Variants in NT5C1B observed in about 807,000 individuals in gnomAD.
The protein encoded by NT5C1B is cytosolic 5'-nucleotidase 1B.
A neutral mutation model predicts 57.8 loss-of-function variants in NT5C1B; 44 were observed. The observed-to-expected ratio is 0.76, with a 90% CI of 0.60 to 0.98. The LOEUF is 0.98. Ranked by LOEUF, NT5C1B falls within the 50% of genes least tolerant of loss-of-function variation. The pLI is 0.00. For missense variants in NT5C1B, 742 were observed against 719.5 expected (o/e 1.03, Z -0.36); for synonymous variants, 284 against 282.6 (o/e 1.00, Z -0.05).
intron 8 of NT5C1B, among the ~76,000 whole-genome samples, chr2:18,568,775 A>G (rs1295078064): frequency 6.6e-6 from 1 of 152,190 alleles, no homozygotes; most frequent in African/African-American, 2.4e-5. Flanking sequence ...GAGGCTAATC[A>G]GAAACTCAAA....
chr2:18,588,372 T>G (rs1666914278), intron 1 of NT5C1B, among the ~76,000 whole-genome samples: 1 of 152,222 alleles, frequency 6.6e-6, no homozygotes, highest in Non-Finnish European at 1.5e-5. Flanking sequence ...ACTTCTAAGT[T>G]AGACCAAGAT....
At chr2:18,586,965 C>G in intron 2 of NT5C1B, 1 of 1,614,044 alleles carries the variant, frequency 6.2e-7, no homozygotes, top group South Asian at 1.1e-5. Context: ...TGGTTCCCCT[C>G]CAGAATCGGT....
chr2:18,567,449 A>G (rs947850866), intron 8 of NT5C1B, among the ~76,000 whole-genome samples: 5 of 152,210 alleles, frequency 3.3e-5, no homozygotes, highest in Non-Finnish European at 7.3e-5. Context: ...CCTAAGCCCT[A>G]GGAAGATAGA....
chr2:18,563,816 T>G, exon 9 of NT5C1B: 2 of 1,561,344 alleles, frequency 1.3e-6, no homozygotes, highest in Non-Finnish European at 1.7e-6. Flanking sequence ...AATTTTTTAT[T>G]AAAGCCATAA....
chr2:18,589,348 C>G, intron 1 of NT5C1B, 91 bp downstream of exon 1: 1 of 1,540,286 alleles, frequency 6.5e-7, no homozygotes, highest in Non-Finnish European at 9.0e-7. Context: ...ATTATTTGAT[C>G]ATTGCAGAGC....
intron 2 of NT5C1B, chr2:18,587,294 C>A: frequency 6.7e-7 from 1 of 1,481,944 alleles, no homozygotes; most frequent in Non-Finnish European, 9.0e-7. Flanking sequence ...TGGTTCCACA[C>A]ATTCGAAGTG....
chr2:18,574,794 T>A lies in NT5C1B; in HGVS notation c.1329+1390A>T, dbSNP rs534223693. On this transcript the variant is annotated intron_variant, in intron 8 of 8. Coordinates refer to ENST00000304081, the Ensembl canonical transcript of NT5C1B. ...ATTGTACACTTAAAAACTTGTTAAGTGGATAGATCATATGCTAAGTATTCT... is the reference window on the plus strand; with the variant it reads ...ATTGTACACTTAAAAACTTGTTAAGAGGATAGATCATATGCTAAGTATTCT... Among the ~76,000 whole-genome samples, 74 of 152,200 alleles carry A rather than the reference T, an allele frequency of 4.9e-4. 1 individual carries two copies. The highest frequency in any genetic ancestry group is 1.8e-3 in the African/African-American group (74 of 41,564).
intron 7 of NT5C1B, 115 bp downstream of exon 7, chr2:18,576,658 C>T (rs1665703612): frequency 2.0e-6 from 3 of 1,514,976 alleles, no homozygotes; most frequent in East Asian, 2.3e-5. Flanking sequence ...TGTGGAAAAA[C>T]TTCAGAAGAA....
chr2:18,584,336 G>A lies in NT5C1B; in HGVS notation c.724-81C>T, dbSNP rs549805436. On this transcript the variant is annotated intron_variant, in intron 4 of 8. Transcript: ENST00000304081. The surrounding 1 kb of genome is among the most constrained non-coding windows in gnomAD (Gnocchi z 5.8). ...TTGGGGCTCCTCCAGGGTAGGGTGAGAGTAGGACAGCGGGCCCCTGCTTGG... is the reference window on the plus strand; with the variant it reads ...TTGGGGCTCCTCCAGGGTAGGGTGAAAGTAGGACAGCGGGCCCCTGCTTGG... 56 of 1,566,512 alleles carry A rather than the reference G, an allele frequency of 3.6e-5. No individual in the cohort carries two copies. The East Asian group carries it at 1.2e-3, about 35-fold the overall frequency.
rs775694340 is a variant in NT5C1B, at chr2:18,589,500, T to C, written c.-32A>G. The C allele has an allele frequency of 3.1e-6, 5 of 1,613,712 alleles. No individual in the cohort carries two copies. The African/African-American group carries it at 4.0e-5, about 13-fold the overall frequency. On this transcript the variant is annotated 5_prime_UTR_variant, in exon 1 of 9. Coordinates refer to ENST00000304081, the Ensembl canonical transcript of NT5C1B. ...ACCTGTTGAAATTCTTTTGTTGTTA[T>C]CCACATTTTTGTCTCCCCAGCTCCA...
intron 5 of NT5C1B, 125 bp from the exon 6 acceptor site, chr2:18,583,122 G>A (rs1387906094): frequency 7.9e-7 from 1 of 1,267,486 alleles, no homozygotes. Context: ...AGAGATTCTG[G>A]CTCCTTTAAG....
chr2:18,576,955 C>G, intron 6 of NT5C1B, 60 bp from the exon 7 acceptor site: 3 of 1,603,576 alleles, frequency 1.9e-6, no homozygotes. Context: ...TGCCGTAAAT[C>G]CAAGTAAAAG....
intron 8 of NT5C1B, among the ~76,000 whole-genome samples, chr2:18,573,654 A>G (rs553966593): frequency 2.0e-5 from 3 of 152,180 alleles, no homozygotes; most frequent in East Asian, 3.9e-4. Flanking sequence ...GACCTCTTCC[A>G]TTTGACAAAA....
At chr2:18,589,382 T>A in intron 1 of NT5C1B, 57 bp downstream of exon 1, 3 of 1,611,814 alleles carry the variant, frequency 1.9e-6, no homozygotes, top group Non-Finnish European at 1.7e-6. Context: ...AATGATGGAC[T>A]GATATCCACA....
intron 5 of NT5C1B, chr2:18,583,782 A>G: frequency 1.8e-6 from 1 of 560,344 alleles, no homozygotes; most frequent in South Asian, 1.5e-5. Flanking sequence ...ACTCAGGATC[A>G]TAAACTCATT....
At chr2:18,563,028 T>C (rs1664310073) in exon 9 of NT5C1B, 1 of 151,168 alleles carries the variant, frequency 6.6e-6, no homozygotes, top group Non-Finnish European at 1.5e-5. Flanking sequence ...GCCAGGATAC[T>C]ACACTTCATG....
Position 18,584,870 on chromosome 2 carries a change from G to A in NT5C1B, c.367C>T (p.Pro123Ser), listed in dbSNP as rs1285649145. The A allele has an allele frequency of 6.3e-7, 1 of 1,598,760 alleles. No homozygotes were observed. The highest frequency in any genetic ancestry group is 1.7e-5 in the Admixed American group (1 of 58,870). ...GAGTCCAGCGACCGGGGCAGCTGGG[G>A]CGACGCGGGTGGCTGGAGCGAGGGC... The change falls in exon 4 of 9, where the codon CCC becomes TCC. Residue 123 changes from proline (P) to serine (S), a missense_variant. Coordinates refer to ENST00000304081, the Ensembl canonical transcript of NT5C1B. This position sits in a 1 kb window ranked among gnomAD's most constrained non-coding sequence, Gnocchi z 5.8.
intron 8 of NT5C1B, among the ~76,000 whole-genome samples, chr2:18,570,714 C>T (rs1665072916): frequency 6.6e-6 from 1 of 151,970 alleles, no homozygotes; most frequent in Admixed American, 6.6e-5. Flanking sequence ...TACCCTGTTA[C>T]TAAAGTCAGA....
At chr2:18,585,393 G>A (rs767059960) in intron 3 of NT5C1B, among the ~76,000 whole-genome samples, 4 of 152,150 alleles carry the variant, frequency 2.6e-5, no homozygotes, top group African/African-American at 7.2e-5. Context: ...CTTAGTGTGC[G>A]ACTTCCAGTT....
Sources: gnomAD v4.1 joint callset for allele counts (sites outside exome capture counted in the v4.1 genomes callset) on GRCh38, gnomAD v4.1.1 for gene constraint, Gnocchi (gnomAD v3.1) non-coding constraint, MANE v1.5 for transcripts, NCBI Gene and HGNC (gene_info 2026-07-23, HGNC 2026-07-21) for gene names.